The following KIF21B variants were observed in gnomAD, a reference collection of about 807,000 sequenced individuals.
The protein encoded by KIF21B is kinesin family member 21B.
In KIF21B, 85 loss-of-function variants were observed where a neutral mutation model predicts 192.9. The ratio of observed to expected loss-of-function variants is 0.44; its 90% CI spans 0.37 to 0.53. The LOEUF is 0.53. Ranked by LOEUF, KIF21B falls within the 20% of genes least tolerant of loss-of-function variation. KIF21B has a pLI of 0.00. For synonymous variants in KIF21B, 832 were observed against 884.6 expected, an observed-to-expected ratio of 0.94 and a Z score of 1.05; for missense variants, 1,716 against 2,194.8, an observed-to-expected ratio of 0.78 and a Z score of 4.36.
intron 5 of KIF21B, 96 bp downstream of exon 5, chr1:201,005,212 C>G: frequency 6.9e-7 from 1 of 1,457,774 alleles, no homozygotes; most frequent in Non-Finnish European, 9.1e-7. Context: ...CAGCCTCAAT[C>G]TGGTTTGCTA....
At chr1:200,987,247 G>A in intron 24 of KIF21B, 46 bp from the exon 25 acceptor site, 1 of 1,521,114 alleles carries the variant, frequency 6.6e-7, no homozygotes, top group Non-Finnish European at 8.9e-7. Context: ...AAATTGCATG[G>A]CACATAAAGG....
rs778759574 is a variant in KIF21B at position 200,988,758 on chromosome 1, A to C, written c.3298+8T>G. On this transcript the variant is annotated splice_region_variant and intron_variant, in intron 22 of 34. Transcript: ENST00000461742. Reference sequence around the variant, plus strand: ...GAGCTGGCAGCTTCCAACCGCCCCTACCCGTACCCTGCTGCACATTGTAGA... The same window carrying C: ...GAGCTGGCAGCTTCCAACCGCCCCTCCCCGTACCCTGCTGCACATTGTAGA... 6.2e-7 allele frequency: 1 copy of C among 1,607,144 alleles called. No individual in the cohort carries two copies. Among genetic ancestry groups the C allele is most frequent in the Non-Finnish European group, 8.5e-7 (1 of 1,175,870 alleles).
Position 201,000,561 on chromosome 1 carries a change from C to T in KIF21B, c.1514G>A (p.Ser505Asn), listed in dbSNP as rs1205610406. The change falls in exon 11 of 35, where the codon AGC (serine) becomes AAC (asparagine). Residue 505 changes from serine (S) to asparagine (N), a missense_variant. Coordinates refer to ENST00000461742, the MANE Select transcript of KIF21B (RefSeq NM_001252102.2). The surrounding 1 kb of genome is among the most constrained non-coding windows in gnomAD (Gnocchi z 6.0). ...SEAMNESLRRSLSRASARSPY... is the reference protein window; with the variant it reads ...SEAMNESLRRNLSRASARSPY... Reference sequence around the variant, plus strand: ...GCTCCTAGCCGAGGCCCGTGAGAGGCTGCGGCGCAGGGACTCGTTCATGGC... The same window carrying T: ...GCTCCTAGCCGAGGCCCGTGAGAGGTTGCGGCGCAGGGACTCGTTCATGGC... 2 of 1,613,326 alleles carry T rather than the reference C, an allele frequency of 1.2e-6. No individual in the cohort carries two copies. Among genetic ancestry groups the T allele is most frequent in the Admixed American group, 3.3e-5 (2 of 60,004 alleles).
In KIF21B at chr1:200,971,672, C is replaced by G. The variant is rs1432373768; in HGVS notation, c.*1849G>C. 1 of 152,386 alleles carries G rather than the reference C, an allele frequency of 6.6e-6. No individual in the cohort carries two copies. Among genetic ancestry groups the G allele is most frequent in the Non-Finnish European group, 1.5e-5 (1 of 68,106 alleles). The allele number at this position is 152,386 out of a possible 1,614,324, so 9.4% of individuals were successfully genotyped here. A position where few individuals can be genotyped will look rare whatever the true frequency, so the allele number is the denominator to read the frequency against. On this transcript the variant is annotated 3_prime_UTR_variant, in exon 35 of 35. Transcript: ENST00000461742. ...GCCATTGCTGACAGACTGTTCAGGTCCCAGGAGACCAGCATCCAAGGGGGT... is the reference window on the plus strand; with the variant it reads ...GCCATTGCTGACAGACTGTTCAGGTGCCAGGAGACCAGCATCCAAGGGGGT...
intron 15 of KIF21B, among the ~76,000 whole-genome samples, chr1:200,995,451 C>T (rs943546710): frequency 1.3e-5 from 2 of 152,190 alleles, no homozygotes; most frequent in East Asian, 3.9e-4. Flanking sequence ...GAGCCCCAGA[C>T]AGGAGCCAGA....
chr1:201,021,375 G>A (rs1658818443), intron 1 of KIF21B, among the ~76,000 whole-genome samples: 1 of 152,208 alleles, frequency 6.6e-6, no homozygotes, highest in African/African-American at 2.4e-5. Flanking sequence ...CCTTCCCGGA[G>A]ACCCTGAAAG....
chr1:200,977,459 C>A (rs2102376041), intron 30 of KIF21B, 83 bp from the exon 31 acceptor site: 1 of 1,494,620 alleles, frequency 6.7e-7, no homozygotes, highest in East Asian at 2.3e-5. Context: ...TCACTAAGAC[C>A]AGCCCAAATA....
intron 34 of KIF21B, chr1:200,974,244 G>A: frequency 1.3e-6 from 2 of 1,510,864 alleles, no homozygotes; most frequent in Non-Finnish European, 1.8e-6. Flanking sequence ...GAGGAGATGG[G>A]AAGGGGAGGG....
Position 200,998,337 on chromosome 1 carries a change from AAAAGGGAGGG to A in KIF21B, c.2077+37_2077+46del. The stretch of plus-strand genomic sequence containing the variant: ...CTTTTGACAGAGGAGGGGCTCAGGG[AAAAGGGAGGG>A]TCCGGATGGGGTGGAGGGGCATGGC... On this transcript the variant is annotated intron_variant, in intron 14 of 34. Transcript: ENST00000461742. This position sits in a 1 kb window ranked among gnomAD's most constrained non-coding sequence, Gnocchi z 4.3. 3 of 1,551,422 alleles carry A rather than the reference AAAAGGGAGGG, an allele frequency of 1.9e-6. No homozygotes were observed. The highest frequency in any genetic ancestry group is 2.6e-6 in the Non-Finnish European group (3 of 1,139,338).
At chr1:200,993,015 C>A (rs1176627836) in intron 15 of KIF21B, among the ~76,000 whole-genome samples, 1 of 152,142 alleles carries the variant, frequency 6.6e-6, no homozygotes, top group Non-Finnish European at 1.5e-5. Context: ...GAAAACAAAT[C>A]ATCGCCTCCC....
In KIF21B at chr1:201,004,283, T is replaced by A; in HGVS notation, c.1016+57A>T. The A allele has an allele frequency of 2.8e-6, 4 of 1,420,458 alleles. No homozygotes were observed. The South Asian group carries it at 4.9e-5, about 18-fold the overall frequency. 88.0% of individuals were successfully genotyped at this position (1,420,458 alleles called of 1,614,324 possible). A position where few individuals can be genotyped will look rare whatever the true frequency, so the allele number is the denominator to read the frequency against. The stretch of plus-strand genomic sequence containing the variant: ...TTGCGCCATACCCACACAGCACTAT[T>A]TTCCAGGAACCTCCCTGCCTCCCCT... On this transcript the variant is annotated intron_variant, in intron 7 of 34. Transcript: ENST00000461742.
chr1:200,992,159 AC>A (rs1656741036), intron 16 of KIF21B, 122 bp downstream of exon 16: 11 of 767,846 alleles, frequency 1.4e-5, no homozygotes, highest in Non-Finnish European at 2.1e-5. Context: ...TCCAAGCATG[AC>A]CATTACCACT....
chr1:200,990,050 C>A lies in KIF21B; in HGVS notation c.3031-7G>T, dbSNP rs1319725286. ...CTGTGGAGTCCAGCTCCTCCTAGGA[C>A]CGGGAGGCAGAGAGCCCCGTCACCT... On this transcript the variant is annotated splice_region_variant and splice_polypyrimidine_tract_variant and intron_variant, in intron 20 of 34. Transcript: ENST00000461742. The surrounding 1 kb of genome is among the most constrained non-coding windows in gnomAD (Gnocchi z 5.4). 1 of 1,613,484 alleles carries A rather than the reference C, an allele frequency of 6.2e-7. No individual in the cohort carries two copies. Among genetic ancestry groups the A allele is most frequent in the Non-Finnish European group, 8.5e-7 (1 of 1,179,684 alleles).
chr1:201,009,255 A>G lies in KIF21B; in HGVS notation c.264+11T>C, dbSNP rs1658096519. On this transcript the variant is annotated intron_variant, in intron 2 of 34. Coordinates refer to ENST00000461742, the MANE Select transcript of KIF21B (RefSeq NM_001252102.2). ...CTGGAGCCGCCATAGGTGGGCGTGA[A>G]GATGGCTTACCTGCCCATAGGCCAG... The G allele has an allele frequency of 6.2e-7, 1 of 1,613,124 alleles. No homozygotes were observed. The highest frequency in any genetic ancestry group is 8.5e-7 in the Non-Finnish European group (1 of 1,179,358).
chr1:201,010,916 G>A (rs1356817176), intron 1 of KIF21B, among the ~76,000 whole-genome samples: 2 of 152,234 alleles, frequency 1.3e-5, no homozygotes, highest in East Asian at 1.9e-4. Context: ...AAAGCCCAGC[G>A]GGGAGGGGTT....
At chr1:201,008,522 C>T (rs566316099) in intron 3 of KIF21B, among the ~76,000 whole-genome samples, 7 of 152,306 alleles carry the variant, frequency 4.6e-5, no homozygotes, top group African/African-American at 7.2e-5. Context: ...AGCTAGAACA[C>T]GTCAGGGTGT....
intron 28 of KIF21B, 70 bp from the exon 29 acceptor site, chr1:200,981,166 C>A (rs549458522): frequency 9.3e-6 from 14 of 1,505,000 alleles, no homozygotes; most frequent in Non-Finnish European, 1.2e-5. Context: ...GATCAAGGCA[C>A]GTGTGTGGGA....
chr1:201,022,232 ACCT>A (rs1220423664), intron 1 of KIF21B, among the ~76,000 whole-genome samples: 2 of 151,342 alleles, frequency 1.3e-5, no homozygotes. Flanking sequence ...TCTAGGAGCA[ACCT>A]CCTAGGACCC....
In KIF21B at chr1:200,982,575, T is replaced by TC. The variant is rs35077751; in HGVS notation, c.3842+480dup. Among the ~76,000 whole-genome samples the TC allele has an allele frequency of 6.6e-6, 1 of 151,448 alleles. No homozygotes were observed. Among genetic ancestry groups the TC allele is most frequent in the Non-Finnish European group, 1.5e-5 (1 of 67,860 alleles). ...AGGGGCGCTGCCCCCATGGTGCCCC[T>TC]CCCCCCATGGTGCCCCTCCCAGAGC... On this transcript the variant is annotated intron_variant, in intron 28 of 34. Coordinates refer to ENST00000461742, the MANE Select transcript of KIF21B (RefSeq NM_001252102.2). The surrounding 1 kb of genome is among the most constrained non-coding windows in gnomAD (Gnocchi z 4.7).
Sources: gnomAD v4.1 joint callset for allele counts (sites outside exome capture counted in the v4.1 genomes callset) on GRCh38, gnomAD v4.1.1 for gene constraint, Gnocchi (gnomAD v3.1) non-coding constraint, MANE v1.5 for transcripts, NCBI Gene and HGNC (gene_info 2026-07-23, HGNC 2026-07-21) for gene names.